UROC1: variants seen among roughly 807,000 people sequenced by gnomAD.
UROC1 encodes urocanate hydratase 1.
A neutral mutation model predicts 89.5 loss-of-function variants in UROC1; 79 were observed. The observed-to-expected ratio is 0.88, with a 90% CI of 0.74 to 1.06. The LOEUF is 1.06. Among genes scored for constraint, UROC1 ranks in the 50% least tolerant of loss-of-function variants. The pLI is 0.00. For synonymous variants in UROC1, 361 were observed against 354.8 expected, an observed-to-expected ratio of 1.02 and a Z score of -0.20; for missense variants, 885 against 907.8, an observed-to-expected ratio of 0.97 and a Z score of 0.32.
chr3:126,487,532 C>T (rs940805633), intron 18 of UROC1, among the ~76,000 whole-genome samples: 1 of 152,102 alleles, frequency 6.6e-6, no homozygotes, highest in African/African-American at 2.4e-5. Context: ...ACCACTAGAT[C>T]CGGCCAAAAT....
At chr3:126,483,718 C>T (rs747026506) in intron 18 of UROC1, among the ~76,000 whole-genome samples, 36 of 152,214 alleles carry the variant, frequency 2.4e-4, no homozygotes, top group Non-Finnish European at 3.4e-4. Flanking sequence ...TGCCCACTTC[C>T]ACCACCCATT....
chr3:126,509,268 AT>A (rs1383051166), intron 3 of UROC1, among the ~76,000 whole-genome samples: 1 of 151,494 alleles, frequency 6.6e-6, no homozygotes, highest in African/African-American at 2.4e-5. Context: ...AAAAAATAAT[AT>A]TTTTGATATA....
chr3:126,482,334 TC>T lies in UROC1; in HGVS notation c.*10del. 1 of 1,611,678 alleles carries T rather than the reference TC, an allele frequency of 6.2e-7. No homozygotes were observed. On this transcript the variant is annotated 3_prime_UTR_variant, in exon 20 of 20. Transcript: ENST00000290868. ...GAGGAAGGGAGGCAGGGGCCGCGAC[TC>T]CTGGCTCCCTCAGAGCTGCAGGGCC...
chr3:126,500,455 T>G (rs1935890947), intron 11 of UROC1, among the ~76,000 whole-genome samples: 1 of 152,106 alleles, frequency 6.6e-6, no homozygotes, highest in South Asian at 2.1e-4. Context: ...CAGCATCTAC[T>G]TGGCGCCATG....
At chr3:126,489,648 A>T (rs979066820) in intron 16 of UROC1, among the ~76,000 whole-genome samples, 4 of 152,150 alleles carry the variant, frequency 2.6e-5, no homozygotes, top group African/African-American at 4.8e-5. Flanking sequence ...CACTTCATAG[A>T]TGAGAAAGCG....
chr3:126,502,002 G>A (rs7643584), intron 9 of UROC1: 851,427 of 1,501,304 alleles, frequency 0.57, 241,973 homozygotes, highest in Middle Eastern at 0.62. Context: ...TCCTCAGCTC[G>A]GGGGTTGCGG....
intron 1 of UROC1, among the ~76,000 whole-genome samples, chr3:126,512,358 G>A (rs1303222032): frequency 1.3e-5 from 2 of 152,234 alleles, no homozygotes; most frequent in Admixed American, 6.5e-5. Flanking sequence ...TGGGCACTGC[G>A]GCACTGCGGC....
chr3:126,510,799 G>T lies in UROC1; in HGVS notation c.127-5C>A, dbSNP rs200762905. 495 of 1,612,416 alleles carry T rather than the reference G, an allele frequency of 3.1e-4. 2 individuals carry two copies. Among genetic ancestry groups the T allele is most frequent in the Non-Finnish European group, 8.6e-5 (101 of 1,179,886 alleles). ...CAGGGCGTTCCTCAGCGCCAGCTGG[G>T]GTAGGAGAGCGGAGAGGCAGTCGGG... is the stretch of plus-strand genomic sequence containing the variant. On this transcript the variant is annotated splice_polypyrimidine_tract_variant and splice_region_variant and intron_variant, in intron 1 of 19. Coordinates refer to ENST00000290868, the MANE Select transcript of UROC1 (RefSeq NM_144639.3).
intron 1 of UROC1, among the ~76,000 whole-genome samples, chr3:126,511,200 A>C (rs886801426): frequency 1.4e-4 from 21 of 152,208 alleles, no homozygotes; most frequent in African/African-American, 5.1e-4. Flanking sequence ...GTGCAAGCAC[A>C]TATAAGAAAA....
chr3:126,503,945 G>A (rs1935995343), intron 9 of UROC1, 50 bp downstream of exon 9: 24 of 1,606,672 alleles, frequency 1.5e-5, no homozygotes, highest in Non-Finnish European at 2.0e-5. Flanking sequence ...GTGGTCTCCT[G>A]CTGCCACGTG....
chr3:126,506,876 G>A (rs376267642), intron 6 of UROC1, among the ~76,000 whole-genome samples: 26 of 152,252 alleles, frequency 1.7e-4, no homozygotes, highest in African/African-American at 4.6e-4. Context: ...TCAGCGGTTC[G>A]AGACCAGCCT....
At chr3:126,487,071 T>C (rs376133378) in intron 18 of UROC1, among the ~76,000 whole-genome samples, 1 of 152,174 alleles carries the variant, frequency 6.6e-6, no homozygotes, top group East Asian at 1.9e-4. Flanking sequence ...GCATTTCCTG[T>C]CTTGGGGAGG....
Position 126,492,434 on chromosome 3 carries a change from G to T in UROC1, c.1592C>A (p.Ala531Asp). 6.2e-7 allele frequency: 1 copy of T among 1,613,620 alleles called. No individual in the cohort carries two copies. Among genetic ancestry groups the T allele is most frequent in the Non-Finnish European group, 8.5e-7 (1 of 1,179,920 alleles). ...ACACCTCACCTTGATCCTCCTGCAG[G>T]CGATGGCCTGGTTAATGGCCACAGC... ...AIAVAINQAI[A>D]CRRIKAPVVL... The change falls in exon 16 of 20, where the codon GCC becomes GAC. Residue 531 changes from alanine (A) to aspartate (D), a missense_variant. Coordinates refer to ENST00000290868, the MANE Select transcript of UROC1 (RefSeq NM_144639.3).
intron 15 of UROC1, among the ~76,000 whole-genome samples, chr3:126,493,104 G>A (rs144940627): frequency 0.012 from 1,793 of 152,238 alleles, 13 homozygotes; most frequent in Non-Finnish European, 0.02. Flanking sequence ...CCCAGTGATC[G>A]CATCTCCTGA....
Position 126,517,618 on chromosome 3 carries a change from G to A in UROC1, c.102C>T (p.Pro34=), listed in dbSNP as rs777896136. The A allele has an allele frequency of 3.1e-6, 5 of 1,612,184 alleles. No individual in the cohort carries two copies. The highest frequency in any genetic ancestry group is 4.2e-6 in the Non-Finnish European group (5 of 1,179,662). Residue 34 remains proline (P), a synonymous_variant, in exon 1 of 20, where the codon CCC becomes CCT. Transcript: ENST00000290868. The part of the protein sequence containing the change: ...AGVPHAPVRT[P]SLSPVEKQLA... ...CCTGTTTCTCCACAGGGCTGAGGCT[G>A]GGGGTCCTGACAGGGGCATGGGGCA...
rs140107683 is a variant in UROC1, at chr3:126,510,688, C to T, written c.233G>A (p.Arg78Gln). 53 of 1,614,042 alleles carry T rather than the reference C, an allele frequency of 3.3e-5. No homozygotes were observed. Among genetic ancestry groups the T allele is most frequent in the Middle Eastern group, 1.6e-4 (1 of 6,084 alleles). Residue 78 changes from arginine to glutamine, a missense_variant, in exon 2 of 20, where the codon CGG (arginine) becomes CAG (glutamine). Transcript: ENST00000290868. ...CCTCATTTCAATGTCGGGGCAAAAC[C>T]GGTACATGTAGATGTGTCCGTACAG... ...LQLYGHIYMY[R>Q]FCPDIEMRAY...
chr3:126,497,441 C>T (rs1438023731), intron 14 of UROC1, among the ~76,000 whole-genome samples: 1 of 152,242 alleles, frequency 6.6e-6, no homozygotes, highest in African/African-American at 2.4e-5. Context: ...GCAGAACCAA[C>T]ACTCAGCATC....
intron 11 of UROC1, 132 bp downstream of exon 11, chr3:126,500,563 A>T: frequency 1.8e-6 from 2 of 1,081,716 alleles, no homozygotes; most frequent in Non-Finnish European, 2.8e-6. Context: ...GGGTGGAGGC[A>T]GAGGCTCAGA....
At chr3:126,504,147 G>A in intron 8 of UROC1, 64 bp from the exon 9 acceptor site, 1 of 1,544,508 alleles carries the variant, frequency 6.5e-7, no homozygotes, top group African/African-American at 1.4e-5. Flanking sequence ...TTCCCTAAGT[G>A]TATCATCCTC....
Sources: gnomAD v4.1 joint callset for allele counts (sites outside exome capture counted in the v4.1 genomes callset) on GRCh38, gnomAD v4.1.1 for gene constraint, MANE v1.5 for transcripts, NCBI Gene and HGNC (gene_info 2026-07-23, HGNC 2026-07-21) for gene names.